APP: variants seen among roughly 807,000 people sequenced by gnomAD.
APP encodes amyloid beta precursor protein, also known as amyloid-beta precursor protein.
A neutral mutation model predicts 101.4 loss-of-function variants in APP; 31 were observed. The observed-to-expected ratio is 0.31, with a 90% CI of 0.23 to 0.41. The LOEUF is 0.41. APP is among the 10% of genes least tolerant of loss of function. The probability of loss-of-function intolerance (pLI) is 1.00; values close to 1 mark genes in which losing one functional copy is unlikely to be tolerated. For missense variants in APP, 839 were observed against 1,003.7 expected (o/e 0.84, Z 2.22); for synonymous variants, 366 against 364.4 (o/e 1.00, Z -0.05).
At chr21:26,052,581 C>G (rs187358073) in intron 4 of APP, among the ~76,000 whole-genome samples, 1 of 152,274 alleles carries the variant, frequency 6.6e-6, no homozygotes, top group African/African-American at 2.4e-5. Context: ...ATTGGCTTAG[C>G]CAAAAGCAGA....
At chr21:25,980,344 A>G (rs1186968222) in intron 9 of APP, among the ~76,000 whole-genome samples, 1 of 152,222 alleles carries the variant, frequency 6.6e-6, no homozygotes, top group African/African-American at 2.4e-5. Context: ...AAAGCTTCAT[A>G]AAGAAGGGAG....
chr21:26,089,762 A>G (rs1394670504), intron 3 of APP, 181 bp downstream of exon 3: 2 of 815,458 alleles, frequency 2.5e-6, no homozygotes, highest in Non-Finnish European at 3.7e-6. Flanking sequence ...GAACTCAAAA[A>G]TACTGCTCCT....
At chr21:25,954,012 A>AAGTT (rs2041204422) in intron 13 of APP, among the ~76,000 whole-genome samples, 2 of 152,228 alleles carry the variant, frequency 1.3e-5, no homozygotes, top group Non-Finnish European at 2.9e-5. Context: ...TTAAGTTTAA[A>AAGTT]CAATGATGTG....
At chr21:26,135,728 T>A (rs993307493) in intron 1 of APP, among the ~76,000 whole-genome samples, 4 of 152,176 alleles carry the variant, frequency 2.6e-5, no homozygotes, top group African/African-American at 9.7e-5. Context: ...TTCTCTCTCA[T>A]CATCCCAGAT....
At chr21:25,966,343 C>T (rs537555271) in intron 11 of APP, among the ~76,000 whole-genome samples, 41 of 152,260 alleles carry the variant, frequency 2.7e-4, no homozygotes, top group African/African-American at 9.4e-4. Flanking sequence ...AATGAGTCCC[C>T]CTTTGCTCAC....
chr21:26,000,006 T>C lies in APP; in HGVS notation c.1033+9A>G. On this transcript the variant is annotated intron_variant, in intron 7 of 17. Coordinates refer to ENST00000346798, the MANE Select transcript of APP (RefSeq NM_000484.4). Reference sequence around the variant, plus strand: ...AAAGGTGGCCAGGCTCGAAGAAGGGTCCACTTACTGGCGCTGCCACACACG... The same window carrying C: ...AAAGGTGGCCAGGCTCGAAGAAGGGCCCACTTACTGGCGCTGCCACACACG... The C allele has an allele frequency of 1.2e-6, 2 of 1,613,640 alleles. No homozygotes were observed. Among genetic ancestry groups the C allele is most frequent in the Non-Finnish European group, 1.7e-6 (2 of 1,179,846 alleles).
At chr21:26,041,362 C>T (rs369548894) in intron 5 of APP, among the ~76,000 whole-genome samples, 1 of 152,120 alleles carries the variant, frequency 6.6e-6, no homozygotes, top group Non-Finnish European at 1.5e-5. Flanking sequence ...ATTAATGTTT[C>T]GGTGTACTAT....
chr21:26,019,235 T>C (rs1479640774), intron 6 of APP, among the ~76,000 whole-genome samples: 1 of 152,254 alleles, frequency 6.6e-6, no homozygotes, highest in Admixed American at 6.5e-5. Context: ...TTTGCCAGCC[T>C]GGCATTGAAG....
At chr21:26,070,913 C>G (rs1187329169) in intron 3 of APP, among the ~76,000 whole-genome samples, 2 of 152,146 alleles carry the variant, frequency 1.3e-5, no homozygotes, top group African/African-American at 4.8e-5. Flanking sequence ...TCTTTTATCA[C>G]TACAACTTCA....
At chr21:25,973,963 AAG>A (rs1555833313) in intron 11 of APP, among the ~76,000 whole-genome samples, 8 of 150,938 alleles carry the variant, frequency 5.3e-5, no homozygotes, top group African/African-American at 2.0e-4. Context: ...AAAAAAAAAA[AAG>A]AACAAGTGGA....
chr21:25,964,427 G>A (rs149920155), intron 11 of APP, among the ~76,000 whole-genome samples: 216 of 152,206 alleles, frequency 1.4e-3, no homozygotes, highest in African/African-American at 5.0e-3. Context: ...AGAAAGAGGA[G>A]AAAAATTAAC....
At chr21:26,025,433 C>T (rs1172642780) in intron 5 of APP, among the ~76,000 whole-genome samples, 1 of 152,182 alleles carries the variant, frequency 6.6e-6, no homozygotes, top group Admixed American at 6.5e-5. Flanking sequence ...GATGTATACA[C>T]GTGATCTTGA....
chr21:25,925,064 C>T (rs998395494), intron 13 of APP, among the ~76,000 whole-genome samples: 10 of 152,136 alleles, frequency 6.6e-5, no homozygotes, highest in Admixed American at 2.0e-4. Context: ...CATACCTCTA[C>T]GCTCTCTTCC....
Position 26,019,767 on chromosome 21 carries a change from C to T in APP, c.865+2073G>A, listed in dbSNP as rs368115516. 1.4e-4 allele frequency among the ~76,000 whole-genome samples: 21 copies of T among 152,340 alleles called. No homozygotes were observed. In the South Asian group the frequency reaches 3.7e-3, roughly 27 times the overall value. On this transcript the variant is annotated intron_variant, in intron 6 of 17. Coordinates refer to ENST00000346798, the MANE Select transcript of APP (RefSeq NM_000484.4). ...TGCTAGCTGCTGTAATTTGTATTCACACTTCATTTAGGTTTCGAGAAGAGA... is the reference window on the plus strand; with the variant it reads ...TGCTAGCTGCTGTAATTTGTATTCATACTTCATTTAGGTTTCGAGAAGAGA...
intron 1 of APP, among the ~76,000 whole-genome samples, chr21:26,129,395 G>A (rs1052190256): frequency 4.6e-5 from 7 of 151,880 alleles, no homozygotes; most frequent in Non-Finnish European, 8.8e-5. Flanking sequence ...GCTTGAACCC[G>A]GGAGGCAGAG....
At chr21:26,090,211 T>C in intron 2 of APP, 139 bp from the exon 3 acceptor site, 1 of 1,320,732 alleles carries the variant, frequency 7.6e-7, no homozygotes. Flanking sequence ...GCTTTCAAGG[T>C]CTCTGACTTT....
At chr21:25,969,235 C>T (rs984210908) in intron 11 of APP, among the ~76,000 whole-genome samples, 1 of 149,238 alleles carries the variant, frequency 6.7e-6, no homozygotes, top group Admixed American at 6.7e-5. Flanking sequence ...GTAGTCCCAG[C>T]TACTTGAGAG....
In APP at chr21:26,013,554, T is replaced by C. The variant is rs528332717; in HGVS notation, c.865+8286A>G. Among the ~76,000 whole-genome samples the C allele has an allele frequency of 1.6e-3, 243 of 152,208 alleles. 1 individual carries two copies. The highest frequency in any genetic ancestry group is 5.6e-3 in the African/African-American group (231 of 41,540). ...TAATATTCTTTAAAAATCTAGTTTC[T>C]GGCCTTTAATTAAATTGGACTAAAA... On this transcript the variant is annotated intron_variant, in intron 6 of 17. Transcript: ENST00000346798.
At position 26,112,077 on chromosome 21, in the gene APP, T is replaced by C. The variant is rs2062338414; in HGVS notation, c.127A>G (p.Met43Val). Reference sequence around the variant, plus strand: ...TTCCCATTCTGGACATTCATGTGCATGTTCAGTCTGCCACAGAACATGGCA... The same window carrying C: ...TTCCCATTCTGGACATTCATGTGCACGTTCAGTCTGCCACAGAACATGGCA... ...QIAMFCGRLN[M>V]HMNVQNGKWD... is the part of the protein sequence containing the mutation. The change falls in exon 2 of 18, where the codon ATG becomes GTG. Residue 43 changes from methionine (M) to valine (V), a missense_variant. Physicochemically the swap from Met to Val is conservative, Grantham distance 21. Coordinates refer to ENST00000346798, the MANE Select transcript of APP (RefSeq NM_000484.4). 6.2e-7 allele frequency: 1 copy of C among 1,614,140 alleles called. No homozygotes were observed. The highest frequency in any genetic ancestry group is 8.5e-7 in the Non-Finnish European group (1 of 1,180,000).
Sources: allele counts gnomAD v4.1 joint callset (sites outside exome capture counted in the v4.1 genomes callset), GRCh38; gene constraint gnomAD v4.1.1; transcripts MANE v1.5; gene names NCBI Gene and HGNC (gene_info 2026-07-23, HGNC 2026-07-21).